Variants in CTNNA3 observed in about 807,000 individuals in gnomAD.
CTNNA3 encodes the protein catenin alpha 3, also known as catenin alpha-3.
In CTNNA3, 76 loss-of-function variants were observed where a neutral mutation model predicts 95.7. The ratio of observed to expected loss-of-function variants is 0.79; its 90% confidence interval spans 0.66 to 0.96. The LOEUF is 0.96. Ranked by LOEUF, CTNNA3 falls within the 40% of genes least tolerant of loss-of-function variation. The pLI, the probability that CTNNA3 is intolerant of heterozygous loss-of-function variation, is 0.00. For missense variants in CTNNA3, 1,191 were observed against 1,089.8 expected, an observed-to-expected ratio of 1.09 and a Z score of -1.31; for synonymous variants, 431 against 374.4, an observed-to-expected ratio of 1.15 and a Z score of -1.74.
chr10:67,704,418 C>T (rs2133606051), intron 1 of CTNNA3, among the ~76,000 whole-genome samples: 1 of 152,200 alleles, frequency 6.6e-6, no homozygotes, highest in South Asian at 2.1e-4. Context: ...GGTACTGGTA[C>T]CAAAACAGAG....
intron 8 of CTNNA3, among the ~76,000 whole-genome samples, chr10:66,766,683 A>G (rs1839871911): frequency 6.6e-6 from 1 of 152,212 alleles, no homozygotes; most frequent in Admixed American, 6.5e-5. Context: ...TCAGATTAAA[A>G]ATGGTAATAC....
chr10:66,174,570 G>A (rs924533563), intron 13 of CTNNA3, among the ~76,000 whole-genome samples: 1 of 151,882 alleles, frequency 6.6e-6, no homozygotes, highest in African/African-American at 2.4e-5. Context: ...AACTATGTGG[G>A]TCCACTTATA....
At chr10:67,313,444 A>T (rs1840906564) in intron 5 of CTNNA3, among the ~76,000 whole-genome samples, 1 of 147,254 alleles carries the variant, frequency 6.8e-6, no homozygotes, top group Non-Finnish European at 1.5e-5. Flanking sequence ...AAAAAAAAAA[A>T]ATAATAATAA....
At position 66,144,051 on chromosome 10, in the gene CTNNA3, T is replaced by C. The variant is rs183921733; in HGVS notation, c.1885-40802A>G. 5.5e-4 allele frequency among the ~76,000 whole-genome samples: 84 copies of C among 152,356 alleles called. No homozygotes were observed. The Middle Eastern group carries it at 0.017, about 31-fold the overall frequency. The stretch of plus-strand genomic sequence containing the variant: ...AAAATAATTCTATGCCCTGATAGAA[T>C]TCTATTTTTTGTTGTTGCTAAGACA... On this transcript the variant is annotated intron_variant, in intron 13 of 17. Coordinates refer to ENST00000433211, the MANE Select transcript of CTNNA3 (RefSeq NM_013266.4).
intron 5 of CTNNA3, among the ~76,000 whole-genome samples, chr10:67,506,997 G>T (rs1839447273): frequency 6.6e-6 from 1 of 151,944 alleles, no homozygotes. Flanking sequence ...CCCATATTCA[G>T]TCTCTTTAGC....
At chr10:67,103,872 C>G (rs1287473172) in intron 7 of CTNNA3, among the ~76,000 whole-genome samples, 2 of 151,570 alleles carry the variant, frequency 1.3e-5, no homozygotes, top group Non-Finnish European at 3.0e-5. Flanking sequence ...AGACTTCCTT[C>G]AATATCCTAA....
intron 13 of CTNNA3, among the ~76,000 whole-genome samples, chr10:66,241,024 A>T (rs2090081106): frequency 6.8e-6 from 1 of 147,436 alleles, no homozygotes; most frequent in Admixed American, 7.0e-5. Flanking sequence ...TGACCCATGG[A>T]TTGCCTTACA....
chr10:67,704,871 C>T (rs1047598982), intron 1 of CTNNA3, among the ~76,000 whole-genome samples: 12 of 151,856 alleles, frequency 7.9e-5, no homozygotes, highest in Non-Finnish European at 1.5e-4. Context: ...TTTTCGCAAC[C>T]TACTCATCTG....
At chr10:65,942,484 G>A (rs2077445703) in intron 17 of CTNNA3, among the ~76,000 whole-genome samples, 1 of 152,138 alleles carries the variant, frequency 6.6e-6, no homozygotes, top group Non-Finnish European at 1.5e-5. Context: ...AGTCAAGATC[G>A]TGCCACTGCA....
chr10:66,330,434 G>A (rs2092311238), intron 12 of CTNNA3, among the ~76,000 whole-genome samples: 1 of 150,338 alleles, frequency 6.7e-6, no homozygotes, highest in Non-Finnish European at 1.5e-5. Context: ...ATTCCATGGT[G>A]TATATGTGCC....
rs79217940 is a variant in CTNNA3 at position 66,982,480 on chromosome 10, C to G, written c.1047+197837G>C. On this transcript the variant is annotated intron_variant, in intron 7 of 17. Coordinates refer to ENST00000433211, the MANE Select transcript of CTNNA3 (RefSeq NM_013266.4). ...ATAATTTGATGTAAAGCACCCAGGA[C>G]AATGTTTGGTGTATAGCAGTTACTT... is the stretch of plus-strand genomic sequence containing the variant. Among the ~76,000 whole-genome samples the G allele has an allele frequency of 9.7e-3, 1,481 of 152,194 alleles. 35 individuals are homozygous for G. The highest frequency in any genetic ancestry group is 0.034 in the African/African-American group (1,405 of 41,528).
intron 13 of CTNNA3, among the ~76,000 whole-genome samples, chr10:66,138,721 T>C (rs2083469180): frequency 6.6e-6 from 1 of 152,124 alleles, no homozygotes; most frequent in South Asian, 2.1e-4. Context: ...CAGCCAGGTG[T>C]GGTGGCATGC....
At chr10:66,022,447 A>G (rs555800350) in intron 15 of CTNNA3, among the ~76,000 whole-genome samples, 1 of 152,180 alleles carries the variant, frequency 6.6e-6, no homozygotes, top group East Asian at 1.9e-4. Flanking sequence ...CAGTATTAAC[A>G]TCTACCAAGA....
intron 7 of CTNNA3, among the ~76,000 whole-genome samples, chr10:67,131,178 C>T (rs1859984333): frequency 6.6e-6 from 1 of 152,040 alleles, no homozygotes; most frequent in African/African-American, 2.4e-5. Context: ...TTTCCTTTGC[C>T]TAGAATGCTC....
chr10:67,718,585 T>A (rs962237155), intron 1 of CTNNA3, among the ~76,000 whole-genome samples: 2 of 152,208 alleles, frequency 1.3e-5, no homozygotes, highest in African/African-American at 4.8e-5. Flanking sequence ...TTGTAGTTGG[T>A]TCTGTTTATG....
Position 67,489,788 on chromosome 10 carries a change from T to TTATA in CTNNA3, c.579+32050_579+32053dup, listed in dbSNP as rs372899542. The stretch of plus-strand genomic sequence containing the variant: ...TTAAGTATATTTATAATACATGATT[T>TTATA]TATATATATATATATATACACACAT... On this transcript the variant is annotated intron_variant, in intron 5 of 17. Coordinates refer to ENST00000433211, the MANE Select transcript of CTNNA3 (RefSeq NM_013266.4). Among the ~76,000 whole-genome samples the TTATA allele has an allele frequency of 0.029, 4,086 of 142,432 alleles. 330 individuals carry two copies. In the East Asian group the frequency reaches 0.32, roughly 11 times the overall value. 93.4% of individuals were successfully genotyped at this position (142,432 alleles called of 152,430 possible).
chr10:67,010,614 C>T (rs1294396216), intron 7 of CTNNA3, among the ~76,000 whole-genome samples: 1 of 152,180 alleles, frequency 6.6e-6, no homozygotes, highest in Middle Eastern at 3.2e-3. Flanking sequence ...TTTACCACCG[C>T]CACCACCACT....
intron 11 of CTNNA3, among the ~76,000 whole-genome samples, chr10:66,448,288 A>T (rs1291414473): frequency 1.3e-5 from 2 of 152,172 alleles, no homozygotes; most frequent in Non-Finnish European, 2.9e-5. Flanking sequence ...AGGGATCTAG[A>T]ACTAGAAATA....
chr10:66,208,916 T>C (rs1462839579), intron 13 of CTNNA3, among the ~76,000 whole-genome samples: 1 of 152,100 alleles, frequency 6.6e-6, no homozygotes, highest in African/African-American at 2.4e-5. Flanking sequence ...CACTTCAATG[T>C]ACCCCATTGC....
Sources: allele counts gnomAD v4.1 joint callset (sites outside exome capture counted in the v4.1 genomes callset), GRCh38; gene constraint gnomAD v4.1.1; transcripts MANE v1.5; gene names NCBI Gene and HGNC (gene_info 2026-07-23, HGNC 2026-07-21).